CUX1: variants seen among roughly 807,000 people sequenced by gnomAD.
CUX1 encodes cut like homeobox 1, also known as protein CASP.
CUX1 carries 31 observed loss-of-function variants against 158.8 expected under a neutral mutation model. The ratio of observed to expected loss-of-function variants is 0.20; its 90% CI spans 0.15 to 0.26. The LOEUF is 0.26. Ranked by LOEUF, CUX1 falls within the 10% of genes least tolerant of loss-of-function variation. The pLI, the probability that CUX1 is intolerant of heterozygous loss-of-function variation, is 1.00. For missense variants in CUX1, 1,589 were observed against 2,014.6 expected (o/e 0.79, Z 4.04); for synonymous variants, 879 against 862.1 (o/e 1.02, Z -0.34).
chr7:102,113,630 T>G (rs1554490963), intron 7 of CUX1, among the ~76,000 whole-genome samples: 2 of 152,010 alleles, frequency 1.3e-5, no homozygotes, highest in Admixed American at 1.3e-4. Context: ...CAATCATAGC[T>G]CATTGCAGCC....
chr7:102,204,583 G>A (rs782118631), intron 19 of CUX1, 27 bp downstream of exon 19: 1 of 1,606,906 alleles, frequency 6.2e-7, no homozygotes, highest in South Asian at 1.1e-5. Flanking sequence ...CACAGGAGAG[G>A]GGCTGCCCCC....
intron 3 of CUX1, among the ~76,000 whole-genome samples, chr7:102,063,535 C>T (rs916198544): frequency 2.6e-5 from 4 of 151,934 alleles, no homozygotes; most frequent in African/African-American, 9.7e-5. Flanking sequence ...ATTACAGGCG[C>T]CTGCCACCAC....
chr7:102,105,900 GA>G (rs201097193), intron 6 of CUX1, among the ~76,000 whole-genome samples: 1 of 151,092 alleles, frequency 6.6e-6, no homozygotes, highest in Non-Finnish European at 1.5e-5. Flanking sequence ...GCAAAAAAGG[GA>G]AAAAAAAGAT....
chr7:101,965,390 G>A lies in CUX1; in HGVS notation c.141+49165G>A, dbSNP rs183370040. Among the ~76,000 whole-genome samples the A allele has an allele frequency of 3.9e-3, 599 of 152,140 alleles. 6 individuals carry two copies. The highest frequency in any genetic ancestry group is 0.014 in the African/African-American group (583 of 41,520). On this transcript the variant is annotated intron_variant, in intron 2 of 23. Coordinates refer to ENST00000292535, the MANE Select transcript of CUX1 (RefSeq NM_181552.4). The stretch of plus-strand genomic sequence containing the variant: ...TCGAGCTGGCCTTTGTGCCCATGAC[G>A]TCTCCCTCCCAGACCTGTTCTCCTT...
At chr7:102,170,655 A>G (rs1281171478) in intron 10 of CUX1, 105 bp downstream of exon 10, 2 of 723,868 alleles carry the variant, frequency 2.8e-6, no homozygotes, top group Non-Finnish European at 4.5e-6. Context: ...TTTGGGAATC[A>G]CGTTTTAACT....
In CUX1 at chr7:102,201,321, G is replaced by T; in HGVS notation, c.2063-39G>T. ...AGAAGCATGTCCCCAGCTGAAGGGGGCCGCCCTGCCACACTCTCACCCCTG... is the reference window on the plus strand; with the variant it reads ...AGAAGCATGTCCCCAGCTGAAGGGGTCCGCCCTGCCACACTCTCACCCCTG... On this transcript the variant is annotated intron_variant, in intron 17 of 23. Coordinates refer to ENST00000292535, the MANE Select transcript of CUX1 (RefSeq NM_181552.4). This position sits in a 1 kb window ranked among gnomAD's most constrained non-coding sequence, Gnocchi z 5.0. The T allele has an allele frequency of 6.3e-7, 1 of 1,590,444 alleles. No homozygotes were observed. Among genetic ancestry groups the T allele is most frequent in the Non-Finnish European group, 8.6e-7 (1 of 1,167,150 alleles).
Position 102,256,901 on chromosome 7 carries a change from A to G in CUX1, c.*7859A>G. The G allele has an allele frequency of 1.0e-6, 1 of 985,482 alleles. No homozygotes were observed. Among genetic ancestry groups the G allele is most frequent in the Middle Eastern group, 5.2e-4 (1 of 1,914 alleles). The allele number at this position is 985,482 out of a possible 1,614,324, so 61.0% of individuals were successfully genotyped here. On this transcript the variant is annotated 3_prime_UTR_variant, in exon 24 of 24. Transcript: ENST00000292535. ...GTTTTTCTTGCGTACAAAGTTGGTC[A>G]AAACCATCTTTCAAAGCAACAGTGT...
At chr7:102,232,598 T>TA (rs1799121608) in intron 21 of CUX1, among the ~76,000 whole-genome samples, 1 of 152,210 alleles carries the variant, frequency 6.6e-6, no homozygotes, top group South Asian at 2.1e-4. Context: ...TTCATTCAAG[T>TA]ACTCCCGTCA....
chr7:102,157,983 C>T (rs1223312758), intron 8 of CUX1, among the ~76,000 whole-genome samples: 1 of 152,102 alleles, frequency 6.6e-6, no homozygotes, highest in African/African-American at 2.4e-5. Flanking sequence ...CTGTACAGTC[C>T]CCCAACCTGT....
upstream of CUX1, chr7:101,816,962 C>G (rs1791890260): frequency 1.0e-6 from 1 of 983,464 alleles, no homozygotes; most frequent in Non-Finnish European, 1.2e-6. Flanking sequence ...CCCGGGGCCA[C>G]CCGCGCACCT....
intron 18 of CUX1, among the ~76,000 whole-genome samples, chr7:102,203,223 C>T (rs1191650474): frequency 1.3e-5 from 2 of 152,208 alleles, no homozygotes; most frequent in South Asian, 2.1e-4. Flanking sequence ...GGCCTCCCAA[C>T]CCCCTACCAT....
intron 12 of CUX1, among the ~76,000 whole-genome samples, chr7:102,190,882 C>A (rs1219556356): frequency 6.6e-6 from 1 of 152,190 alleles, no homozygotes; most frequent in East Asian, 1.9e-4. Flanking sequence ...TCCTGCCCCT[C>A]CTGCTGTCCC....
intron 3 of CUX1, 104 bp downstream of exon 3, chr7:102,028,249 G>A: frequency 1.6e-6 from 2 of 1,238,638 alleles, no homozygotes; most frequent in South Asian, 1.3e-5. Context: ...CTGCCCAGAT[G>A]GTGCCTTCCC....
At chr7:101,963,128 A>G (rs1810716241) in intron 2 of CUX1, among the ~76,000 whole-genome samples, 1 of 152,116 alleles carries the variant, frequency 6.6e-6, no homozygotes, top group Non-Finnish European at 1.5e-5. Context: ...CTCTGATGCC[A>G]CTTGTCACCT....
chr7:102,202,856 C>T (rs1427958608), intron 18 of CUX1, among the ~76,000 whole-genome samples: 7 of 152,168 alleles, frequency 4.6e-5, no homozygotes, highest in Non-Finnish European at 7.3e-5. Flanking sequence ...CGTGCATGGA[C>T]GAGCTTCTAG....
chr7:101,944,355 A>G (rs1808108631), intron 2 of CUX1, among the ~76,000 whole-genome samples: 1 of 152,216 alleles, frequency 6.6e-6, no homozygotes, highest in African/African-American at 2.4e-5. Context: ...TGATACATTT[A>G]TAGGCTAGCA....
chr7:102,163,347 T>C (rs1400023666), intron 9 of CUX1, among the ~76,000 whole-genome samples: 1 of 146,834 alleles, frequency 6.8e-6, no homozygotes, highest in Non-Finnish European at 1.5e-5. Context: ...AAAAAAAAAA[T>C]AGCCAGGTGT....
intron 3 of CUX1, among the ~76,000 whole-genome samples, chr7:102,042,609 C>T (rs916645336): frequency 6.6e-6 from 1 of 152,150 alleles, no homozygotes; most frequent in African/African-American, 2.4e-5. Flanking sequence ...TTTTGCTGTT[C>T]CCTACCTATA....
intron 14 of CUX1, among the ~76,000 whole-genome samples, chr7:102,263,979 A>ATCGCGCCCAGCC (rs1563515187): frequency 1.4e-5 from 2 of 143,634 alleles, no homozygotes; most frequent in East Asian, 2.1e-4. Context: ...GGCATGAGCC[A>ATCGCGCCCAGCC]CTATTCCCAG....
Sources: allele counts gnomAD v4.1 joint callset (sites outside exome capture counted in the v4.1 genomes callset), GRCh38; gene constraint gnomAD v4.1.1; non-coding constraint Gnocchi (gnomAD v3.1); transcripts MANE v1.5; gene names NCBI Gene and HGNC (gene_info 2026-07-23, HGNC 2026-07-21).